SPATA17: variants seen among roughly 807,000 people sequenced by gnomAD.
SPATA17 encodes spermatogenesis-associated protein 17.
Under a neutral mutation model 62.2 loss-of-function variants are expected in SPATA17, and 53 were observed. The ratio of observed to expected loss-of-function variants is 0.85; its 90% CI spans 0.68 to 1.07. The LOEUF is 1.07. Ranked by LOEUF, SPATA17 falls within the 50% of genes least tolerant of loss-of-function variation. The probability of loss-of-function intolerance (pLI) is 0.00; values close to 1 mark genes in which losing one functional copy is unlikely to be tolerated. For missense variants in SPATA17, 466 were observed against 425.5 expected (o/e 1.10, Z -0.84); for synonymous variants, 146 against 146.8 (o/e 0.99, Z 0.04).
intron 6 of SPATA17, among the ~76,000 whole-genome samples, chr1:217,764,456 G>T (rs1673251002): frequency 6.6e-6 from 1 of 152,048 alleles, no homozygotes; most frequent in Non-Finnish European, 1.5e-5. Flanking sequence ...ATTGTTAGAG[G>T]TACCACAGTG....
chr1:217,652,449 G>A (rs1445055925), intron 3 of SPATA17, among the ~76,000 whole-genome samples: 1 of 152,012 alleles, frequency 6.6e-6, no homozygotes, highest in African/African-American at 2.4e-5. Context: ...GGCCAAGCTG[G>A]TCTCAAACTC....
intron 6 of SPATA17, among the ~76,000 whole-genome samples, chr1:217,748,548 G>T (rs1005030820): frequency 2.0e-5 from 3 of 151,458 alleles, no homozygotes; most frequent in African/African-American, 7.3e-5. Context: ...TTCGAAACCA[G>T]CCTGGCCAAC....
intron 7 of SPATA17, 23 bp from the exon 8 acceptor site, chr1:217,782,151 T>C (rs1423063611): frequency 1.3e-6 from 2 of 1,558,778 alleles, no homozygotes; most frequent in South Asian, 1.2e-5. Flanking sequence ...ATATAAAATA[T>C]GTTCCTCATC....
Position 217,784,089 on chromosome 1 carries a change from A to AT in SPATA17, c.872+1775dup, listed in dbSNP as rs142207003. 8.8e-3 allele frequency among the ~76,000 whole-genome samples: 1,334 copies of AT among 151,970 alleles called. 16 individuals carry two copies. Among genetic ancestry groups the AT allele is most frequent in the African/African-American group, 0.031 (1,279 of 41,458 alleles). The stretch of plus-strand genomic sequence containing the variant: ...TTCCATTATTAGAATTGAAACACTG[A>AT]TTTTTTTTCATAGCTTCTTCTGAAC... On this transcript the variant is annotated intron_variant, in intron 8 of 10. Transcript: ENST00000366933.
chr1:217,772,149 A>G (rs931030537), intron 6 of SPATA17, among the ~76,000 whole-genome samples: 4 of 152,124 alleles, frequency 2.6e-5, no homozygotes, highest in African/African-American at 9.7e-5. Context: ...AATAAATTCT[A>G]ATCTTAGAAA....
At chr1:217,654,484 G>A (rs1271160781) in intron 3 of SPATA17, among the ~76,000 whole-genome samples, 1 of 152,034 alleles carries the variant, frequency 6.6e-6, no homozygotes, top group Non-Finnish European at 1.5e-5. Flanking sequence ...TTTAAAAAAA[G>A]TTTTAAATTT....
At chr1:217,636,150 A>AAAAAG (rs1553359400) in intron 1 of SPATA17, among the ~76,000 whole-genome samples, 2 of 146,958 alleles carry the variant, frequency 1.4e-5, no homozygotes, top group Non-Finnish European at 3.0e-5. Context: ...AAAAAAAAAA[A>AAAAAG]GGGTGTTTTC....
chr1:217,715,645 C>T (rs1671983720), intron 5 of SPATA17, among the ~76,000 whole-genome samples: 1 of 150,410 alleles, frequency 6.6e-6, no homozygotes, highest in South Asian at 2.1e-4. Flanking sequence ...GAAATCCATA[C>T]ATTCATACAC....
intron 9 of SPATA17, among the ~76,000 whole-genome samples, chr1:217,859,401 G>A (rs141569751): frequency 1.2e-3 from 188 of 150,938 alleles, no homozygotes; most frequent in African/African-American, 4.4e-3. Context: ...AAGAGAAGGG[G>A]TCTTGCTACG....
chr1:217,786,002 C>G (rs1198761223), intron 8 of SPATA17, among the ~76,000 whole-genome samples: 1 of 151,952 alleles, frequency 6.6e-6, no homozygotes, highest in African/African-American at 2.4e-5. Context: ...AGCCAGGAAG[C>G]CAAATAAGCA....
intron 6 of SPATA17, among the ~76,000 whole-genome samples, chr1:217,749,975 CTCTCTCTCTCTA>C (rs1462425419): frequency 2.3e-3 from 90 of 39,404 alleles, no homozygotes; most frequent in African/African-American, 8.4e-3. Flanking sequence ...CTCTCTCTCT[CTCTCTCTCTCTA>C]TATATATATA....
intron 1 of SPATA17, among the ~76,000 whole-genome samples, chr1:217,643,350 T>C (rs1240656089): frequency 1.3e-5 from 2 of 152,110 alleles, no homozygotes; most frequent in Non-Finnish European, 2.9e-5. Context: ...CCCCACCAAC[T>C]TGGATGTTTC....
intron 5 of SPATA17, among the ~76,000 whole-genome samples, chr1:217,707,004 C>A (rs774816762): frequency 1.3e-5 from 2 of 151,926 alleles, no homozygotes; most frequent in Non-Finnish European, 2.9e-5. Context: ...ATAGCTGGGA[C>A]TACAAGCACG....
At chr1:217,704,132 C>T (rs1233597966) in intron 5 of SPATA17, among the ~76,000 whole-genome samples, 2 of 148,682 alleles carry the variant, frequency 1.3e-5, no homozygotes, top group Non-Finnish European at 3.0e-5. Flanking sequence ...AATTGCATGT[C>T]ACAGTGGTTG....
intron 4 of SPATA17, among the ~76,000 whole-genome samples, chr1:217,669,339 G>A (rs995098241): frequency 2.0e-5 from 3 of 152,236 alleles, no homozygotes; most frequent in Non-Finnish European, 2.9e-5. Flanking sequence ...ACTAGAGAAA[G>A]ACTTAAATAT....
intron 6 of SPATA17, among the ~76,000 whole-genome samples, chr1:217,760,960 G>C (rs972320889): frequency 5.3e-5 from 8 of 152,100 alleles, no homozygotes; most frequent in Non-Finnish European, 1.5e-5. Flanking sequence ...TTTTCTTAGG[G>C]CACACAGTCA....
intron 6 of SPATA17, among the ~76,000 whole-genome samples, chr1:217,763,704 T>C (rs1480923392): frequency 6.6e-6 from 1 of 152,156 alleles, no homozygotes; most frequent in African/African-American, 2.4e-5. Flanking sequence ...GTAAAGATAT[T>C]ATGGTTGCTT....
chr1:217,850,198 T>A (rs1360322254), intron 9 of SPATA17, among the ~76,000 whole-genome samples: 1 of 152,194 alleles, frequency 6.6e-6, no homozygotes, highest in Non-Finnish European at 1.5e-5. Flanking sequence ...ACAACTTTTA[T>A]AGAAGGACTT....
chr1:217,646,916 A>C (rs528637955), intron 1 of SPATA17, among the ~76,000 whole-genome samples: 78 of 152,190 alleles, frequency 5.1e-4, no homozygotes, highest in Non-Finnish European at 8.8e-4. Context: ...ACAAACCAAC[A>C]AACAAACAAA....
Sources: allele counts gnomAD v4.1 joint callset (sites outside exome capture counted in the v4.1 genomes callset), GRCh38; gene constraint gnomAD v4.1.1; transcripts MANE v1.5; gene names NCBI Gene and HGNC (gene_info 2026-07-23, HGNC 2026-07-21).